XXYLT1: variants seen among roughly 807,000 people sequenced by gnomAD.
XXYLT1 encodes the protein UDP-xylose:alpha-xyloside alpha-1,3-xylosyltransferase.
Under a neutral mutation model 28.9 loss-of-function variants are expected in XXYLT1, and 20 were observed. The observed-to-expected ratio is 0.69, with a 90% CI of 0.49 to 1.00. XXYLT1 has a LOEUF of 1.00. Ranked by LOEUF, XXYLT1 falls within the 50% of genes least tolerant of loss-of-function variation. The probability of loss-of-function intolerance (pLI) is 0.00; values close to 1 mark genes in which losing one functional copy is unlikely to be tolerated. For missense variants in XXYLT1, 542 were observed against 560.1 expected, an observed-to-expected ratio of 0.97 and a Z score of 0.33; for synonymous variants, 257 against 253.8, an observed-to-expected ratio of 1.01 and a Z score of -0.12.
intron 3 of XXYLT1, among the ~76,000 whole-genome samples, chr3:195,140,364 C>A (rs540848670): frequency 6.6e-6 from 1 of 152,160 alleles, no homozygotes; most frequent in Admixed American, 6.5e-5. Flanking sequence ...GGAGGTGGCA[C>A]GGACTAGCAG....
chr3:195,088,303 G>C (rs1176753549), intron 3 of XXYLT1, among the ~76,000 whole-genome samples: 1 of 150,156 alleles, frequency 6.7e-6, no homozygotes, highest in African/African-American at 2.4e-5. Flanking sequence ...GCTTTGAAGA[G>C]AGCAGTGGTT....
chr3:195,227,100 G>A (rs532721294), intron 1 of XXYLT1, among the ~76,000 whole-genome samples: 85 of 152,266 alleles, frequency 5.6e-4, no homozygotes, highest in African/African-American at 2.0e-3. Context: ...AGGCATGCAT[G>A]TACGGGCTGT....
chr3:195,238,579 C>A (rs889840537), intron 1 of XXYLT1, among the ~76,000 whole-genome samples: 3 of 152,176 alleles, frequency 2.0e-5, no homozygotes, highest in Non-Finnish European at 4.4e-5. Context: ...AGTAACTAAA[C>A]CTCTCTGAGC....
intron 3 of XXYLT1, among the ~76,000 whole-genome samples, chr3:195,132,008 G>A (rs1718930684): frequency 1.3e-5 from 2 of 152,288 alleles, no homozygotes; most frequent in South Asian, 2.1e-4. Flanking sequence ...GCCAGCCAGT[G>A]AGACTTGGGG....
intron 3 of XXYLT1, among the ~76,000 whole-genome samples, chr3:195,118,865 T>C (rs1718186549): frequency 1.3e-5 from 2 of 152,236 alleles, no homozygotes; most frequent in African/African-American, 4.8e-5. Flanking sequence ...CGTAGTTCCC[T>C]GAAGGAGGAA....
Position 195,259,643 on chromosome 3 carries a change from T to C in XXYLT1, c.504+10912A>G, listed in dbSNP as rs58766684. ...CGTGCGACAGGCCTGTAAGGTGGCATCCGAGTCCCTCCCGCAATTAAGGAC... is the reference window on the plus strand; with the variant it reads ...CGTGCGACAGGCCTGTAAGGTGGCACCCGAGTCCCTCCCGCAATTAAGGAC... On this transcript the variant is annotated intron_variant, in intron 1 of 3. Transcript: ENST00000310380. The C allele has an allele frequency of 5.1e-3, 4,977 of 985,414 alleles. 208 individuals carry two copies. The African/African-American group carries it at 0.078, about 16-fold the overall frequency. The allele number at this position is 985,414 out of a possible 1,614,324, so 61.0% of individuals were successfully genotyped here.
At chr3:195,198,700 C>G (rs1237115931) in intron 2 of XXYLT1, among the ~76,000 whole-genome samples, 2 of 152,138 alleles carry the variant, frequency 1.3e-5, no homozygotes, top group East Asian at 3.9e-4. Context: ...GTGCTCGTAA[C>G]TATTATGCAA....
At chr3:195,158,800 G>A (rs759308121) in intron 2 of XXYLT1, among the ~76,000 whole-genome samples, 4 of 152,210 alleles carry the variant, frequency 2.6e-5, no homozygotes, top group East Asian at 3.9e-4. Flanking sequence ...GAAATAAGAC[G>A]CCAAGTTGTA....
chr3:195,212,481 G>A (rs1467771014), intron 2 of XXYLT1, among the ~76,000 whole-genome samples: 2 of 152,204 alleles, frequency 1.3e-5, no homozygotes, highest in African/African-American at 4.8e-5. Flanking sequence ...TTCTGGGGCA[G>A]GGTCCCCAAG....
At chr3:195,147,205 G>C (rs1719899744) in intron 3 of XXYLT1, among the ~76,000 whole-genome samples, 1 of 152,102 alleles carries the variant, frequency 6.6e-6, no homozygotes, top group South Asian at 2.1e-4. Context: ...GAAAGCAAGA[G>C]GCATGTCTTC....
intron 3 of XXYLT1, among the ~76,000 whole-genome samples, chr3:195,145,248 G>A (rs575941985): frequency 6.8e-6 from 1 of 147,240 alleles, no homozygotes; most frequent in Non-Finnish European, 1.5e-5. Flanking sequence ...TTTTAACAGA[G>A]CCAAGGAAGA....
chr3:195,191,813 T>G (rs561796141), intron 2 of XXYLT1, among the ~76,000 whole-genome samples: 1 of 152,318 alleles, frequency 6.6e-6, no homozygotes, highest in Middle Eastern at 3.4e-3. Flanking sequence ...CAAGAAGATT[T>G]AAGAATTACA....
At chr3:195,254,578 G>T (rs1560177617) in intron 1 of XXYLT1, among the ~76,000 whole-genome samples, 1 of 152,236 alleles carries the variant, frequency 6.6e-6, no homozygotes. Context: ...TGGGCATCCA[G>T]GCAACAGGCT....
chr3:195,200,116 C>T (rs188324342), intron 2 of XXYLT1, among the ~76,000 whole-genome samples: 1 of 152,194 alleles, frequency 6.6e-6, no homozygotes, highest in Admixed American at 6.5e-5. Context: ...AAGATCTTTC[C>T]TGGAACCTGC....
intron 2 of XXYLT1, among the ~76,000 whole-genome samples, chr3:195,222,996 G>T (rs1723893968): frequency 1.3e-5 from 2 of 152,018 alleles, no homozygotes; most frequent in Admixed American, 1.3e-4. Context: ...GGCCAAAGCG[G>T]GCAGATCACG....
intron 3 of XXYLT1, among the ~76,000 whole-genome samples, chr3:195,081,061 G>A (rs1358752843): frequency 6.6e-6 from 1 of 152,206 alleles, no homozygotes; most frequent in Non-Finnish European, 1.5e-5. Flanking sequence ...ACAGTGTGAT[G>A]GGCCAGGCCC....
chr3:195,188,205 G>T (rs1722280471), intron 2 of XXYLT1, among the ~76,000 whole-genome samples: 1 of 152,194 alleles, frequency 6.6e-6, no homozygotes, highest in African/African-American at 2.4e-5. Context: ...ACAAATATAG[G>T]ATTTGCTCTT....
chr3:195,157,773 T>C (rs979422528), intron 2 of XXYLT1, among the ~76,000 whole-genome samples: 6 of 152,142 alleles, frequency 3.9e-5, no homozygotes, highest in African/African-American at 1.4e-4. Flanking sequence ...GGTTCAATGA[T>C]GAAGCAGCGA....
chr3:195,267,386 C>G (rs2108860952), intron 1 of XXYLT1, among the ~76,000 whole-genome samples: 1 of 152,370 alleles, frequency 6.6e-6, no homozygotes, highest in African/African-American at 2.4e-5. Flanking sequence ...ACAAAGGGAA[C>G]AGCACTGACC....
Sources: gnomAD v4.1 joint callset for allele counts (sites outside exome capture counted in the v4.1 genomes callset) on GRCh38, gnomAD v4.1.1 for gene constraint, MANE v1.5 for transcripts, NCBI Gene and HGNC (gene_info 2026-07-23, HGNC 2026-07-21) for gene names.